The following RIN2 variants were observed in gnomAD, a reference collection of about 807,000 sequenced individuals.
The protein encoded by RIN2 is Ras and Rab interactor 2, also known as RAB5 interacting protein 2.
Under a neutral mutation model 78.0 loss-of-function variants are expected in RIN2, and 36 were observed. That is an observed-to-expected ratio of 0.46 (90% CI 0.35 to 0.61). RIN2 has a LOEUF of 0.61. Among genes scored for constraint, RIN2 ranks in the 20% least tolerant of loss-of-function variants. RIN2 has a pLI of 0.00. For missense variants in RIN2, 1,087 were observed against 1,159.7 expected (o/e 0.94, Z 0.91); for synonymous variants, 466 against 466.8 (o/e 1.00, Z 0.02).
Position 19,975,295 on chromosome 20 carries a change from G to A in RIN2, c.1270G>A (p.Gly424Arg), listed in dbSNP as rs1334023777. 2 of 1,603,908 alleles carry A rather than the reference G, an allele frequency of 1.2e-6. No individual in the cohort carries two copies. The highest frequency in any genetic ancestry group is 1.3e-5 in the African/African-American group (1 of 74,764). The stretch of plus-strand genomic sequence containing the variant: ...CTCTGAATCACGGCCCCCGTGCCAT[G>A]GAGGCCGGCAGCGGCTGAGCGACAT... ...PSSESRPPCH[G>R]GRQRLSDMSI... Residue 424 changes from glycine (G) to arginine (R), a missense_variant, in exon 9 of 13, where the codon GGA becomes AGA. This residue lies in a region of RIN2 where 706 missense variants were observed against 667.5 expected (regional missense o/e 1.06). Transcript: ENST00000255006. This position sits in a 1 kb window ranked among gnomAD's most constrained non-coding sequence, Gnocchi z 4.9.
chr20:19,928,899 C>A (rs2040335018), intron 3 of RIN2, among the ~76,000 whole-genome samples: 1 of 152,172 alleles, frequency 6.6e-6, no homozygotes, highest in South Asian at 2.1e-4. Context: ...TACATGCCTG[C>A]AGGGAAAAAC....
chr20:19,868,703 A>G (rs2037585781), intron 2 of RIN2, among the ~76,000 whole-genome samples: 1 of 152,164 alleles, frequency 6.6e-6, no homozygotes, highest in Admixed American at 6.5e-5. Flanking sequence ...GGGGACCCAG[A>G]AAGGGGAAGG....
At chr20:19,830,960 C>T (rs945540196) in intron 2 of RIN2, among the ~76,000 whole-genome samples, 4 of 152,212 alleles carry the variant, frequency 2.6e-5, no homozygotes, top group Non-Finnish European at 5.9e-5. Flanking sequence ...CTCCATGTCC[C>T]CGTGTCCACT....
At chr20:19,790,443 T>G (rs1465991700) in intron 1 of RIN2, among the ~76,000 whole-genome samples, 2 of 152,194 alleles carry the variant, frequency 1.3e-5, no homozygotes, top group Non-Finnish European at 2.9e-5. Flanking sequence ...TATCCATTTA[T>G]TCCTGTTAAT....
chr20:19,784,133 C>T (rs971686363), intron 1 of RIN2, among the ~76,000 whole-genome samples: 1 of 152,238 alleles, frequency 6.6e-6, no homozygotes, highest in Non-Finnish European at 1.5e-5. Flanking sequence ...TGGAAAATCA[C>T]ATGCGGCTTT....
At chr20:19,767,398 AG>A (rs2033931409) in intron 1 of RIN2, among the ~76,000 whole-genome samples, 1 of 152,198 alleles carries the variant, frequency 6.6e-6, no homozygotes, top group East Asian at 1.9e-4. Flanking sequence ...AGAATGGTGG[AG>A]GGAAAGTTAC....
intron 1 of RIN2, among the ~76,000 whole-genome samples, chr20:19,772,196 C>A (rs1254203084): frequency 6.6e-6 from 1 of 152,154 alleles, no homozygotes; most frequent in Non-Finnish European, 1.5e-5. Context: ...TGTAGTATGG[C>A]CCAACTTTAG....
At chr20:19,837,086 A>G (rs2036438805) in intron 2 of RIN2, among the ~76,000 whole-genome samples, 1 of 151,934 alleles carries the variant, frequency 6.6e-6, no homozygotes, top group South Asian at 2.1e-4. Context: ...TGGGTACTGT[A>G]ATGATCCCCA....
intron 3 of RIN2, among the ~76,000 whole-genome samples, chr20:19,922,280 C>T (rs1209301083): frequency 6.6e-6 from 1 of 152,164 alleles, no homozygotes; most frequent in Non-Finnish European, 1.5e-5. Context: ...TGGTCAAGGA[C>T]TGACCCTGGA....
chr20:19,997,974 C>T (rs1003181296), intron 12 of RIN2, among the ~76,000 whole-genome samples: 2 of 149,260 alleles, frequency 1.3e-5, no homozygotes, highest in African/African-American at 5.0e-5. Context: ...TCCAGATTCA[C>T]CTGCTTTTTT....
At chr20:19,906,556 T>C (rs995572391) in intron 3 of RIN2, among the ~76,000 whole-genome samples, 1 of 152,152 alleles carries the variant, frequency 6.6e-6, no homozygotes, top group Non-Finnish European at 1.5e-5. Context: ...CAGGCCAAAG[T>C]TGATAAATGG....
chr20:19,763,344 C>T (rs2033727579), intron 1 of RIN2, among the ~76,000 whole-genome samples: 1 of 152,126 alleles, frequency 6.6e-6, no homozygotes, highest in African/African-American at 2.4e-5. Context: ...GCCAGGATCA[C>T]TCCATTGCAC....
At chr20:19,914,208 T>G (rs918915347) in intron 3 of RIN2, among the ~76,000 whole-genome samples, 9 of 152,230 alleles carry the variant, frequency 5.9e-5, no homozygotes, top group Admixed American at 3.3e-4. Flanking sequence ...GATGCTTGTT[T>G]CTTATTGTCT....
intron 1 of RIN2, among the ~76,000 whole-genome samples, chr20:19,794,324 G>A (rs749837603): frequency 6.6e-5 from 10 of 152,128 alleles, no homozygotes; most frequent in Admixed American, 5.2e-4. Flanking sequence ...GGGAGGCCAC[G>A]GCGGGCAGAT....
intron 4 of RIN2, among the ~76,000 whole-genome samples, chr20:19,950,835 G>A (rs1355007175): frequency 6.6e-6 from 1 of 151,432 alleles, no homozygotes; most frequent in Admixed American, 6.6e-5. Flanking sequence ...TTAGCCTCCT[G>A]AGCAGCTGTG....
intron 2 of RIN2, among the ~76,000 whole-genome samples, chr20:19,853,855 T>C (rs2037073089): frequency 6.6e-6 from 1 of 152,238 alleles, no homozygotes. Context: ...TGATAGTTTC[T>C]TTTGCTGTGC....
chr20:19,901,248 G>A (rs6112641), intron 3 of RIN2, among the ~76,000 whole-genome samples: 54,956 of 151,708 alleles, frequency 0.36, 9,904 homozygotes, highest in Admixed American at 0.38. Flanking sequence ...GATGATTTCA[G>A]TCAATAACTC....
chr20:19,834,460 C>G lies in RIN2; in HGVS notation c.-37+34713C>G, dbSNP rs144946780. Among the ~76,000 whole-genome samples, 469 of 152,236 alleles carry G rather than the reference C, an allele frequency of 3.1e-3. 1 individual carries two copies. The highest frequency in any genetic ancestry group is 1.0e-2 in the African/African-American group (415 of 41,548). Reference sequence around the variant, plus strand: ...CCCAAATCGCACAGCTAGTAAGCAGCAGCATTCAGCCCCACAGCTGCAACC... The same window carrying G: ...CCCAAATCGCACAGCTAGTAAGCAGGAGCATTCAGCCCCACAGCTGCAACC... On this transcript the variant is annotated intron_variant, in intron 2 of 12. Transcript: ENST00000255006.
At chr20:19,885,237 G>A (rs1316630271) in intron 2 of RIN2, among the ~76,000 whole-genome samples, 1 of 152,170 alleles carries the variant, frequency 6.6e-6, no homozygotes, top group African/African-American at 2.4e-5. Context: ...ATAGGAAGCT[G>A]GGGTGGGGGC....
Sources: allele counts gnomAD v4.1 joint callset (sites outside exome capture counted in the v4.1 genomes callset), GRCh38; gene constraint gnomAD v4.1.1; regional missense constraint gnomAD v4.1.1; non-coding constraint Gnocchi (gnomAD v3.1); transcripts MANE v1.5; gene names NCBI Gene and HGNC (gene_info 2026-07-23, HGNC 2026-07-21).